GRM7: variants seen among roughly 807,000 people sequenced by gnomAD.
GRM7 encodes the protein metabotropic glutamate receptor 7.
In GRM7, 35 loss-of-function variants were observed where a neutral mutation model predicts 84.5. That is an observed-to-expected ratio of 0.41 (90% confidence interval 0.32 to 0.55). The LOEUF is 0.55. Ranked by LOEUF, GRM7 falls within the 20% of genes least tolerant of loss-of-function variation. The pLI is 0.19. For synonymous variants in GRM7, 487 were observed against 455.1 expected (o/e 1.07, Z -0.89); for missense variants, 1,003 against 1,194.6 (o/e 0.84, Z 2.36).
At chr3:6,909,147 C>G (rs1696682633) in intron 1 of GRM7, among the ~76,000 whole-genome samples, 1 of 152,084 alleles carries the variant, frequency 6.6e-6, no homozygotes, top group Non-Finnish European at 1.5e-5. Flanking sequence ...CATACAAGAA[C>G]ATGACGTCTG....
intron 1 of GRM7, among the ~76,000 whole-genome samples, chr3:7,010,195 A>G (rs1575125643): frequency 1.3e-5 from 2 of 152,210 alleles, no homozygotes; most frequent in East Asian, 3.8e-4. Context: ...TTACGCCTGT[A>G]ATCCTAGCAG....
intron 1 of GRM7, among the ~76,000 whole-genome samples, chr3:7,011,423 C>T (rs576170524): frequency 9.9e-4 from 122 of 122,636 alleles, no homozygotes; most frequent in African/African-American, 2.9e-3. Context: ...TTTATATGCT[C>T]ATGTTCCACC....
chr3:7,495,638 C>T (rs1239166406), intron 7 of GRM7, among the ~76,000 whole-genome samples: 1 of 152,128 alleles, frequency 6.6e-6, no homozygotes, highest in Non-Finnish European at 1.5e-5. Context: ...CTCCCGATTG[C>T]TTATTTCTGA....
intron 2 of GRM7, among the ~76,000 whole-genome samples, chr3:7,240,630 A>G (rs954756940): frequency 4.6e-5 from 7 of 152,156 alleles, no homozygotes; most frequent in Admixed American, 3.9e-4. Flanking sequence ...ATAGGATTTA[A>G]AAGTCTGTTT....
intron 1 of GRM7, among the ~76,000 whole-genome samples, chr3:7,145,358 A>G (rs1694075007): frequency 6.6e-6 from 1 of 152,166 alleles, no homozygotes; most frequent in Admixed American, 6.5e-5. Flanking sequence ...GAATCAAGAC[A>G]AAGAAGGGAA....
chr3:7,376,719 G>A (rs771390387), intron 4 of GRM7, among the ~76,000 whole-genome samples: 2 of 152,070 alleles, frequency 1.3e-5, no homozygotes, highest in Non-Finnish European at 2.9e-5. Context: ...ACAAGAGACC[G>A]TGTGGCTTGT....
At chr3:7,130,968 C>CAT (rs1693577302) in intron 1 of GRM7, among the ~76,000 whole-genome samples, 1 of 152,110 alleles carries the variant, frequency 6.6e-6, no homozygotes, top group Non-Finnish European at 1.5e-5. Flanking sequence ...CACGCACACA[C>CAT]GTGCGCAAGG....
rs78517014 is a variant in GRM7 at position 7,179,273 on chromosome 3, A to G, written c.736+32605A>G. On this transcript the variant is annotated intron_variant, in intron 2 of 9. Coordinates refer to ENST00000357716, the MANE Select transcript of GRM7 (RefSeq NM_000844.4). ...GCACCGACACAAAACACCATGGGGC[A>G]TGAGCAAGTGGAAGCATCTAAAATA... Among the ~76,000 whole-genome samples the G allele has an allele frequency of 8.8e-4, 134 of 152,308 alleles. 1 individual carries two copies. The highest frequency in any genetic ancestry group is 3.2e-3 in the African/African-American group (132 of 41,586).
chr3:7,494,495 G>T (rs1699629992), intron 7 of GRM7, among the ~76,000 whole-genome samples: 1 of 152,108 alleles, frequency 6.6e-6, no homozygotes, highest in African/African-American at 2.4e-5. Flanking sequence ...ATAGGTTTGT[G>T]TCTGTAAAAT....
chr3:7,308,091 T>C (rs977620080), intron 4 of GRM7, among the ~76,000 whole-genome samples: 5 of 152,106 alleles, frequency 3.3e-5, no homozygotes, highest in African/African-American at 4.8e-5. Context: ...TTAGGGAAAA[T>C]ACAAATAATT....
At chr3:7,029,005 A>G (rs144322338) in intron 1 of GRM7, among the ~76,000 whole-genome samples, 1 of 152,272 alleles carries the variant, frequency 6.6e-6, no homozygotes, top group African/African-American at 2.4e-5. Flanking sequence ...GTAAACATCA[A>G]ATTACCACAT....
chr3:7,314,681 G>T (rs1198163028), intron 4 of GRM7, among the ~76,000 whole-genome samples: 1 of 151,750 alleles, frequency 6.6e-6, no homozygotes, highest in Non-Finnish European at 1.5e-5. Context: ...TTAGTTCTTT[G>T]TCCATGGTTT....
chr3:7,719,332 C>T (rs1262349540), intron 9 of GRM7, among the ~76,000 whole-genome samples: 1 of 152,150 alleles, frequency 6.6e-6, no homozygotes, highest in Non-Finnish European at 1.5e-5. Context: ...TGAAGATCTA[C>T]TATCTAATTG....
chr3:7,385,289 A>ATTTTTTTTTTTTTTTTTTTT (rs574917994), intron 4 of GRM7, among the ~76,000 whole-genome samples: 1 of 67,260 alleles, frequency 1.5e-5, no homozygotes. Flanking sequence ...TTCTATATGG[A>ATTTTTTTTTTTTTTTTTTTT]TTTTTTTTTT....
intron 1 of GRM7, among the ~76,000 whole-genome samples, chr3:6,884,652 C>T (rs1442736255): frequency 5.9e-5 from 9 of 151,666 alleles, no homozygotes; most frequent in African/African-American, 4.8e-5. Flanking sequence ...CAGGCTGGAG[C>T]GCAGTATCAT....
intron 4 of GRM7, among the ~76,000 whole-genome samples, chr3:7,401,456 T>C (rs976221387): frequency 2.6e-5 from 4 of 152,096 alleles, no homozygotes; most frequent in Non-Finnish European, 5.9e-5. Context: ...ATCCCATTGC[T>C]CTCTCTAAAA....
chr3:7,427,041 T>C (rs1281673776), intron 5 of GRM7, among the ~76,000 whole-genome samples: 2 of 152,180 alleles, frequency 1.3e-5, no homozygotes, highest in African/African-American at 4.8e-5. Context: ...GCAAATGGAT[T>C]GAATCAGAGA....
intron 9 of GRM7, among the ~76,000 whole-genome samples, chr3:7,685,445 CTAGAGATGGCAGGCGGGTGGA>C (rs764378784): frequency 4.3e-4 from 66 of 152,240 alleles, no homozygotes; most frequent in Non-Finnish European, 8.2e-4. Flanking sequence ...TCAGCAGCAA[CTAGAGATGGCAGGCGGGTGGA>C]CAGCGAGGGA....
At chr3:7,444,524 T>A (rs1423531472) in intron 5 of GRM7, among the ~76,000 whole-genome samples, 1 of 152,228 alleles carries the variant, frequency 6.6e-6, no homozygotes, top group Non-Finnish European at 1.5e-5. Context: ...ACGGTGTTTT[T>A]ACCTTTACTG....
Sources: gnomAD v4.1 joint callset for allele counts (sites outside exome capture counted in the v4.1 genomes callset) on GRCh38, gnomAD v4.1.1 for gene constraint, MANE v1.5 for transcripts, NCBI Gene and HGNC (gene_info 2026-07-23, HGNC 2026-07-21) for gene names.